NCK2: variants seen among roughly 807,000 people sequenced by gnomAD.
NCK2 encodes the protein NCK adaptor protein 2, also known as cytoplasmic protein NCK2.
NCK2 carries 16 observed loss-of-function variants against 33.9 expected under a neutral mutation model. The observed-to-expected ratio is 0.47, with a 90% CI of 0.32 to 0.72. NCK2 has a LOEUF of 0.72. Among genes scored for constraint, NCK2 ranks in the 30% least tolerant of loss-of-function variants. The probability of loss-of-function intolerance (pLI) is 0.03; values close to 1 mark genes in which losing one functional copy is unlikely to be tolerated. For missense variants in NCK2, 418 were observed against 537.3 expected, an observed-to-expected ratio of 0.78 and a Z score of 2.19; for synonymous variants, 273 against 239.9, an observed-to-expected ratio of 1.14 and a Z score of -1.27.
chr2:105,889,310 G>C (rs565080936), intron 4 of NCK2, among the ~76,000 whole-genome samples: 1 of 152,358 alleles, frequency 6.6e-6, no homozygotes, highest in African/African-American at 2.4e-5. Flanking sequence ...AGTATCCACA[G>C]ACTGGAGCTC....
At chr2:105,887,082 G>C (rs1394427764) in intron 4 of NCK2, among the ~76,000 whole-genome samples, 1 of 152,160 alleles carries the variant, frequency 6.6e-6, no homozygotes, top group Non-Finnish European at 1.5e-5. Flanking sequence ...AAAGAACATA[G>C]GGTCAACTGA....
chr2:105,859,431 G>C (rs533780510), intron 3 of NCK2, among the ~76,000 whole-genome samples: 9 of 152,258 alleles, frequency 5.9e-5, no homozygotes, highest in Admixed American at 4.6e-4. Context: ...ACCTGCCCCA[G>C]GGCTCACTCC....
intron 3 of NCK2, chr2:105,855,796 G>A (rs1455382181): frequency 6.6e-6 from 1 of 152,362 alleles, no homozygotes; most frequent in Non-Finnish European, 1.5e-5. Context: ...CCATGGTGGG[G>A]GCCTAGTTCA....
chr2:105,834,935 C>T (rs1323878825), intron 2 of NCK2, among the ~76,000 whole-genome samples: 2 of 152,102 alleles, frequency 1.3e-5, no homozygotes, highest in Non-Finnish European at 2.9e-5. Flanking sequence ...ATCCCAGCCT[C>T]CAAAAGTACT....
intron 1 of NCK2, among the ~76,000 whole-genome samples, chr2:105,792,808 C>T (rs1178939201): frequency 6.6e-6 from 1 of 152,162 alleles, no homozygotes; most frequent in African/African-American, 2.4e-5. Context: ...GGCCGAGGCC[C>T]ATGTGAGCAA....
intron 1 of NCK2, among the ~76,000 whole-genome samples, chr2:105,808,050 G>T (rs1308757458): frequency 1.3e-5 from 2 of 152,088 alleles, no homozygotes; most frequent in Non-Finnish European, 2.9e-5. Flanking sequence ...CTACAGGTGT[G>T]TACCGCTATG....
chr2:105,891,037 T>C (rs1166849242), intron 4 of NCK2, among the ~76,000 whole-genome samples: 2 of 152,218 alleles, frequency 1.3e-5, no homozygotes, highest in South Asian at 2.1e-4. Context: ...TGGCCAGGCA[T>C]GTCCGAGGTA....
At chr2:105,890,155 CT>C (rs1162673413) in intron 4 of NCK2, among the ~76,000 whole-genome samples, 1 of 152,146 alleles carries the variant, frequency 6.6e-6, no homozygotes, top group Non-Finnish European at 1.5e-5. Context: ...TTAAAGGTTT[CT>C]GCTCAGGAGC....
chr2:105,876,608 G>A (rs1678243978), intron 3 of NCK2, among the ~76,000 whole-genome samples: 1 of 152,206 alleles, frequency 6.6e-6, no homozygotes, highest in Admixed American at 6.5e-5. Flanking sequence ...TCTGAGAAGT[G>A]GGTATGAGGA....
intron 3 of NCK2, among the ~76,000 whole-genome samples, chr2:105,869,272 T>C (rs11883807): frequency 0.025 from 3,822 of 152,198 alleles, 156 homozygotes; most frequent in African/African-American, 0.087. Flanking sequence ...CATGTGTCCC[T>C]AGCCATAACA....
chr2:105,834,589 T>C (rs1160493354), intron 2 of NCK2, among the ~76,000 whole-genome samples: 2 of 152,174 alleles, frequency 1.3e-5, no homozygotes, highest in Admixed American at 6.5e-5. Flanking sequence ...GGTGGTGTTT[T>C]TTAATCCATC....
intron 1 of NCK2, among the ~76,000 whole-genome samples, chr2:105,813,185 C>T (rs1314736878): frequency 6.6e-6 from 1 of 152,170 alleles, no homozygotes; most frequent in Admixed American, 6.5e-5. Flanking sequence ...ACGATTCTTG[C>T]AGCTGATGCT....
At chr2:105,774,289 G>A (rs1355530107) in intron 1 of NCK2, among the ~76,000 whole-genome samples, 1 of 152,082 alleles carries the variant, frequency 6.6e-6, no homozygotes. Context: ...GATTACAGGT[G>A]TGAGCCACTG....
chr2:105,854,803 G>C (rs1677195344), intron 2 of NCK2: 1 of 370,876 alleles, frequency 2.7e-6, no homozygotes, highest in Non-Finnish European at 5.0e-6. Context: ...TTTGTTAGAG[G>C]GTCAGATTTC....
chr2:105,812,815 CTTTTT>C (rs5833152), intron 1 of NCK2, among the ~76,000 whole-genome samples: 2 of 142,964 alleles, frequency 1.4e-5, no homozygotes, highest in African/African-American at 2.6e-5. Context: ...TTCAACAAGG[CTTTTT>C]TTTTTTTTTC....
intron 2 of NCK2, among the ~76,000 whole-genome samples, chr2:105,819,710 C>T (rs116483251): frequency 0.013 from 1,928 of 152,222 alleles, 19 homozygotes; most frequent in Non-Finnish European, 0.017. Flanking sequence ...AAATATCTAC[C>T]CATGTAATTT....
chr2:105,826,545 G>GT (rs1675950931), intron 2 of NCK2, among the ~76,000 whole-genome samples: 2 of 152,170 alleles, frequency 1.3e-5, no homozygotes, highest in African/African-American at 2.4e-5. Flanking sequence ...GATTGGTTAT[G>GT]TTTTTTAATG....
chr2:105,834,691 A>T (rs1172676333), intron 2 of NCK2, among the ~76,000 whole-genome samples: 1 of 151,874 alleles, frequency 6.6e-6, no homozygotes, highest in Non-Finnish European at 1.5e-5. Context: ...TTTTAGAGAC[A>T]AGGTCTCGTT....
chr2:105,858,624 T>A (rs1677387071), intron 3 of NCK2, among the ~76,000 whole-genome samples: 1 of 152,208 alleles, frequency 6.6e-6, no homozygotes, highest in Non-Finnish European at 1.5e-5. Flanking sequence ...CAGTGTTGTG[T>A]ATTGCATCTC....
Sources: allele counts gnomAD v4.1 joint callset (sites outside exome capture counted in the v4.1 genomes callset), GRCh38; gene constraint gnomAD v4.1.1; transcripts MANE v1.5; gene names NCBI Gene and HGNC (gene_info 2026-07-23, HGNC 2026-07-21).